Variants in UBE2D3 observed in about 807,000 individuals in gnomAD.
UBE2D3 encodes ubiquitin conjugating enzyme E2 D3.
A neutral mutation model predicts 22.8 loss-of-function variants in UBE2D3; 2 were observed. The observed-to-expected ratio is 0.09, with a 90% CI of 0.04 to 0.28. The LOEUF (loss-of-function observed/expected upper bound fraction) is 0.28, where lower values mean the gene tolerates loss of function less well. UBE2D3 is among the 10% of genes least tolerant of loss of function. The pLI is 1.00. For missense variants in UBE2D3, 27 were observed against 182.5 expected (o/e 0.15, Z 4.91); for synonymous variants, 56 against 60.4 (o/e 0.93, Z 0.34).
intron 2 of UBE2D3, chr4:102,811,715 T>C (rs561507417): frequency 7.9e-5 from 33 of 415,528 alleles, no homozygotes; most frequent in South Asian, 1.7e-4. Flanking sequence ...CGTACTCATA[T>C]ACAAAAGACC....
chr4:102,859,891 G>C (rs547839430), intron 1 of UBE2D3, among the ~76,000 whole-genome samples: 2 of 151,172 alleles, frequency 1.3e-5, no homozygotes, highest in Non-Finnish European at 3.0e-5. Context: ...TGTCACCCAG[G>C]CTGGAGTGCA....
chr4:102,822,564 A>G (rs1047618365), intron 2 of UBE2D3, among the ~76,000 whole-genome samples: 1 of 152,216 alleles, frequency 6.6e-6, no homozygotes, highest in African/African-American at 2.4e-5. Context: ...CTAACTCCCA[A>G]TTACTTAGAT....
chr4:102,811,338 T>A (rs1389207192), intron 2 of UBE2D3: 2 of 32,322 alleles, frequency 6.2e-5, no homozygotes, highest in African/African-American at 8.9e-4. Flanking sequence ...AGAGCTGTCT[T>A]GAGACAGAAA....
chr4:102,842,287 A>G (rs1370846689), intron 1 of UBE2D3, among the ~76,000 whole-genome samples: 1 of 151,876 alleles, frequency 6.6e-6, no homozygotes, highest in Non-Finnish European at 1.5e-5. Flanking sequence ...GAGGTGCCTC[A>G]TGCCTGTAAT....
chr4:102,826,962 G>C (rs1292528225), intron 1 of UBE2D3: 2 of 1,001,040 alleles, frequency 2.0e-6, no homozygotes. Context: ...CTATACCGGC[G>C]TCACTAGGGC....
rs1012360868 is a variant in UBE2D3 at position 102,851,395 on chromosome 4, G to A, written c.-129+17320C>T. 5.3e-5 allele frequency among the ~76,000 whole-genome samples: 8 copies of A among 152,330 alleles called. No individual in the cohort carries two copies. In the East Asian group the frequency reaches 7.7e-4, roughly 15 times the overall value. The stretch of plus-strand genomic sequence containing the variant: ...TCTGGGAGTGAAAGACAGTGTAAAG[G>A]CAGCCACAGGAGTGAACACAGGGGA... On this transcript the variant is annotated intron_variant, in intron 1 of 7. Transcript: ENST00000338145.
In UBE2D3 at chr4:102,822,787, T is replaced by TTAGCCTCTACTAAAAAAACAAAAAAAG. The variant is rs1264230648; in HGVS notation, c.24+3697_24+3698insCTTTTTTTGTTTTTTTAGTAGAGGCTA. Reference sequence around the variant, plus strand: ...TGCCTCTACTAAAAAAACAAAAAAATTAGCCGGGGGTGGTGGTGGGCGCCT... The same window carrying TTAGCCTCTACTAAAAAAACAAAAAAAG: ...TGCCTCTACTAAAAAAACAAAAAAATTAGCCTCTACTAAAAAAACAAAAAAAGTAGCCGGGGGTGGTGGTGGGCGCCT... On this transcript the variant is annotated intron_variant, in intron 2 of 7. Transcript: ENST00000453744. 7.0e-4 allele frequency among the ~76,000 whole-genome samples: 106 copies of TTAGCCTCTACTAAAAAAACAAAAAAAG among 152,110 alleles called. 2 individuals are homozygous for TTAGCCTCTACTAAAAAAACAAAAAAAG. Among genetic ancestry groups the TTAGCCTCTACTAAAAAAACAAAAAAAG allele is most frequent in the African/African-American group, 2.5e-3 (103 of 41,490 alleles).
At chr4:102,859,655 A>G (rs931079677) in intron 1 of UBE2D3, among the ~76,000 whole-genome samples, 1 of 151,682 alleles carries the variant, frequency 6.6e-6, no homozygotes, top group Non-Finnish European at 1.5e-5. Context: ...TACCACTTCT[A>G]TAATGCGCAT....
chr4:102,798,931 A>AC, intron 7 of UBE2D3: 1 of 1,611,810 alleles, frequency 6.2e-7, no homozygotes, highest in Non-Finnish European at 8.5e-7. Context: ...CTCTTACCCT[A>AC]CAACATAGCG....
intron 2 of UBE2D3, chr4:102,825,265 G>A (rs1276079200): frequency 2.0e-6 from 2 of 986,026 alleles, no homozygotes; most frequent in Non-Finnish European, 1.2e-6. Context: ...TTCTAGTAAG[G>A]CTGAATTTAT....
chr4:102,816,656 G>A (rs1483720307), intron 2 of UBE2D3, among the ~76,000 whole-genome samples: 1 of 152,162 alleles, frequency 6.6e-6, no homozygotes, highest in Non-Finnish European at 1.5e-5. Context: ...TTTAGTTTTT[G>A]AGTTTTGCTG....
intron 1 of UBE2D3, among the ~76,000 whole-genome samples, chr4:102,835,151 A>G (rs991498796): frequency 1.4e-4 from 21 of 152,216 alleles, no homozygotes; most frequent in African/African-American, 4.3e-4. Context: ...AGCAAATACA[A>G]TCAGCCCTCC....
chr4:102,863,876 C>T (rs894615122), intron 1 of UBE2D3, among the ~76,000 whole-genome samples: 2 of 152,106 alleles, frequency 1.3e-5, no homozygotes, highest in African/African-American at 4.8e-5. Context: ...CATGGGGTTC[C>T]TTAAGCATTT....
chr4:102,799,672 G>T (rs1022683766), intron 6 of UBE2D3, among the ~76,000 whole-genome samples, 172 bp from the exon 7 acceptor site: 1 of 151,880 alleles, frequency 6.6e-6, no homozygotes, highest in Non-Finnish European at 1.5e-5. Flanking sequence ...CAAGCTCCTG[G>T]TAAGTAAGAA....
chr4:102,860,688 A>C (rs1274507002), intron 1 of UBE2D3, among the ~76,000 whole-genome samples: 2 of 151,382 alleles, frequency 1.3e-5, no homozygotes, highest in African/African-American at 4.9e-5. Flanking sequence ...ACCTCCTTTT[A>C]TTTTCTCTAG....
At chr4:102,835,348 A>C (rs1465969099) in intron 1 of UBE2D3, among the ~76,000 whole-genome samples, 2 of 152,242 alleles carry the variant, frequency 1.3e-5, no homozygotes, top group African/African-American at 4.8e-5. Flanking sequence ...TATAAGTTAT[A>C]TGCAAATATT....
At chr4:102,841,852 A>G (rs532875770) in intron 1 of UBE2D3, among the ~76,000 whole-genome samples, 1 of 152,270 alleles carries the variant, frequency 6.6e-6, no homozygotes, top group South Asian at 2.1e-4. Flanking sequence ...TTGGTCCATT[A>G]CTATAAATTC....
intron 1 of UBE2D3, among the ~76,000 whole-genome samples, chr4:102,854,171 C>A (rs1732519234): frequency 6.6e-6 from 1 of 152,174 alleles, no homozygotes. Context: ...CCTGATTAAA[C>A]CTCCTTGCAA....
In UBE2D3 at chr4:102,803,013, T is replaced by C. The variant is rs563374220; in HGVS notation, c.121-375A>G. Among the ~76,000 whole-genome samples the C allele has an allele frequency of 4.6e-5, 7 of 152,362 alleles. No individual in the cohort carries two copies. In the East Asian group the frequency reaches 1.2e-3, roughly 25 times the overall value. On this transcript the variant is annotated intron_variant, in intron 4 of 7. Transcript: ENST00000453744. ...GATTATTTCTTCCAATAGCCAGATG[T>C]GTACAAATGGCTTCACAACAGTCCA...
Sources: gnomAD v4.1 joint callset for allele counts (sites outside exome capture counted in the v4.1 genomes callset) on GRCh38, gnomAD v4.1.1 for gene constraint, MANE v1.5 for transcripts, NCBI Gene and HGNC (gene_info 2026-07-23, HGNC 2026-07-21) for gene names.